Variants in WWOX observed in about 807,000 individuals in gnomAD.
WWOX encodes the protein WW domain-containing oxidoreductase.
A neutral mutation model predicts 46.2 loss-of-function variants in WWOX; 69 were observed. The observed-to-expected ratio is 1.49, with a 90% CI of 1.23 to 1.82. WWOX has a LOEUF of 1.82. Ranked by LOEUF, WWOX falls within the 40% of genes most tolerant of loss-of-function variation. The pLI, the probability that WWOX is intolerant of heterozygous loss-of-function variation, is 0.00. For missense variants in WWOX, 919 were observed against 542.6 expected (o/e 1.69, Z -6.89); for synonymous variants, 359 against 202.6 (o/e 1.77, Z -6.56).
chr16:79,150,688 G>T (rs146597873), intron 8 of WWOX, among the ~76,000 whole-genome samples: 1 of 152,038 alleles, frequency 6.6e-6, no homozygotes, highest in Non-Finnish European at 1.5e-5. Flanking sequence ...GTGTCACGTC[G>T]TTGCCCAGGC....
intron 8 of WWOX, among the ~76,000 whole-genome samples, chr16:79,059,106 T>A (rs74353703): frequency 0.026 from 3,956 of 152,296 alleles, 192 homozygotes; most frequent in African/African-American, 0.091. Context: ...TAAATTAATG[T>A]GAAATTGTGT....
intron 8 of WWOX, chr16:78,691,319 A>G (rs1427513492): frequency 4.3e-6 from 3 of 700,204 alleles, no homozygotes; most frequent in Non-Finnish European, 7.8e-6. Flanking sequence ...TAAAAGATTT[A>G]CAATTATTTC....
intron 8 of WWOX, among the ~76,000 whole-genome samples, chr16:79,069,961 C>G (rs2048517629): frequency 6.6e-6 from 1 of 152,164 alleles, no homozygotes; most frequent in Admixed American, 6.5e-5. Context: ...TAAGGATGTT[C>G]AAGGCAACCA....
chr16:78,157,515 G>A (rs1256871630), intron 4 of WWOX, among the ~76,000 whole-genome samples: 1 of 152,160 alleles, frequency 6.6e-6, no homozygotes, highest in African/African-American at 2.4e-5. Flanking sequence ...CACACCCAAG[G>A]GGAGTCAAAT....
rs189900536 is a variant in WWOX, at chr16:79,197,413, G to T, written c.1057-14195G>T. Among the ~76,000 whole-genome samples the T allele has an allele frequency of 4.6e-5, 7 of 152,298 alleles. No individual in the cohort carries two copies. The East Asian group carries it at 1.3e-3, about 29-fold the overall frequency. ...TCAGTTTAAATTGCTTGTGGTGAGA[G>T]TATTCATACCATGGGAATTGGCAGA... On this transcript the variant is annotated intron_variant, in intron 8 of 8. Transcript: ENST00000566780.
At chr16:79,019,755 A>C (rs926084290) in intron 8 of WWOX, among the ~76,000 whole-genome samples, 1 of 152,006 alleles carries the variant, frequency 6.6e-6, no homozygotes, top group African/African-American at 2.4e-5. Flanking sequence ...CCAGAGAGGG[A>C]AGAGAGCAAA....
intron 8 of WWOX, among the ~76,000 whole-genome samples, chr16:79,027,424 T>G (rs1012309132): frequency 6.6e-6 from 1 of 151,796 alleles, no homozygotes; most frequent in Non-Finnish European, 1.5e-5. Context: ...TAAGCTATCC[T>G]GGGCCTCCCT....
intron 8 of WWOX, among the ~76,000 whole-genome samples, chr16:78,457,514 T>G (rs895260903): frequency 1.3e-5 from 2 of 152,120 alleles, no homozygotes; most frequent in African/African-American, 4.8e-5. Context: ...TCACCAATCT[T>G]TTTTTTCCCC....
chr16:78,490,987 A>G (rs894286320), intron 8 of WWOX, among the ~76,000 whole-genome samples: 2 of 152,148 alleles, frequency 1.3e-5, no homozygotes, highest in African/African-American at 4.8e-5. Flanking sequence ...CCCCCGAGTG[A>G]CCGCTCCAGC....
intron 8 of WWOX, among the ~76,000 whole-genome samples, chr16:78,937,153 A>G (rs373142422): frequency 2.6e-5 from 4 of 152,306 alleles, no homozygotes; most frequent in Admixed American, 1.3e-4. Context: ...TTGATATATC[A>G]AATTTCCATC....
chr16:78,290,132 T>TA (rs1191668538), intron 5 of WWOX, among the ~76,000 whole-genome samples: 2 of 152,186 alleles, frequency 1.3e-5, no homozygotes, highest in East Asian at 3.9e-4. Context: ...ACAGTGTCTT[T>TA]AGTGCATTGC....
At chr16:79,103,369 A>G (rs567420273) in intron 8 of WWOX, among the ~76,000 whole-genome samples, 1 of 152,340 alleles carries the variant, frequency 6.6e-6, no homozygotes, top group Non-Finnish European at 1.5e-5. Flanking sequence ...ATCCTCAGTA[A>G]GGAAAAATGC....
chr16:79,118,707 C>T (rs770124015), intron 8 of WWOX, among the ~76,000 whole-genome samples: 5 of 152,158 alleles, frequency 3.3e-5, no homozygotes, highest in Admixed American at 6.5e-5. Context: ...CACAATTAAC[C>T]CATGCCTGCC....
intron 8 of WWOX, among the ~76,000 whole-genome samples, chr16:78,998,008 C>G (rs543668741): frequency 3.3e-5 from 5 of 152,218 alleles, no homozygotes; most frequent in Non-Finnish European, 5.9e-5. Flanking sequence ...TCCCGAGTAG[C>G]TGGGATTACA....
chr16:78,155,152 A>G (rs1444239813), intron 4 of WWOX, among the ~76,000 whole-genome samples: 1 of 151,810 alleles, frequency 6.6e-6, no homozygotes, highest in Admixed American at 6.6e-5. Context: ...ACTAATTCAA[A>G]TTAGGAAGGA....
rs143332912 is a variant in WWOX, at chr16:78,825,438, C to T, written c.1057-386170C>T. 225 of 353,600 alleles carry T rather than the reference C, an allele frequency of 6.4e-4. 1 individual carries two copies. The East Asian group carries it at 0.014, about 23-fold the overall frequency. 21.9% of individuals were successfully genotyped at this position (353,600 alleles called of 1,614,324 possible). A position where few individuals can be genotyped will look rare whatever the true frequency, so the allele number is the denominator to read the frequency against. ...CGACAGTAACAAATATCTTAGCCAA[C>T]AGAACAAAAAATGTTCCTGGTGAGA... On this transcript the variant is annotated intron_variant, in intron 8 of 8. Transcript: ENST00000566780.
intron 8 of WWOX, among the ~76,000 whole-genome samples, chr16:78,977,367 C>T (rs1295578846): frequency 1.3e-5 from 2 of 152,130 alleles, no homozygotes; most frequent in Non-Finnish European, 2.9e-5. Context: ...TGTTCATTTG[C>T]CTTATTCGTT....
intron 4 of WWOX, among the ~76,000 whole-genome samples, chr16:78,127,873 T>C (rs969565812): frequency 6.6e-6 from 1 of 152,202 alleles, no homozygotes; most frequent in Non-Finnish European, 1.5e-5. Context: ...GAGCTGTAAT[T>C]TGACACAGAT....
intron 5 of WWOX, among the ~76,000 whole-genome samples, chr16:78,303,003 T>G (rs2080067860): frequency 6.6e-6 from 1 of 152,134 alleles, no homozygotes; most frequent in Non-Finnish European, 1.5e-5. Context: ...CTGGGAGAAC[T>G]CTCCATATGG....
Sources: gnomAD v4.1 joint callset for allele counts (sites outside exome capture counted in the v4.1 genomes callset) on GRCh38, gnomAD v4.1.1 for gene constraint, MANE v1.5 for transcripts, NCBI Gene and HGNC (gene_info 2026-07-23, HGNC 2026-07-21) for gene names.